The following CHRM2 variants were observed in gnomAD, a reference collection of about 807,000 sequenced individuals.
CHRM2 encodes the protein muscarinic acetylcholine receptor M2.
CHRM2 carries 8 observed loss-of-function variants against 25.0 expected under a neutral mutation model. The observed-to-expected ratio is 0.32, with a 90% CI of 0.19 to 0.58. The LOEUF is 0.58. Ranked by LOEUF, CHRM2 falls within the 20% of genes least tolerant of loss-of-function variation. The probability of loss-of-function intolerance (pLI) is 0.88; values close to 1 mark genes in which losing one functional copy is unlikely to be tolerated. For missense variants in CHRM2, 440 were observed against 567.1 expected (o/e 0.78, Z 2.28); for synonymous variants, 202 against 205.7 (o/e 0.98, Z 0.15).
chr7:136,967,192 A>T (rs1434264026), intron 2 of CHRM2, among the ~76,000 whole-genome samples: 1 of 152,012 alleles, frequency 6.6e-6, no homozygotes, highest in Admixed American at 6.6e-5. Flanking sequence ...TGTGGAAGGC[A>T]GGGAGGATAA....
At chr7:136,898,511 A>ATG (rs3068413) in intron 2 of CHRM2, among the ~76,000 whole-genome samples, 12,596 of 150,230 alleles carry the variant, frequency 0.084, 730 homozygotes, top group East Asian at 0.27. Flanking sequence ...GTGTGTTTGC[A>ATG]TGTGTGTGTG....
intron 2 of CHRM2, among the ~76,000 whole-genome samples, chr7:136,925,178 C>T (rs1364407): frequency 0.67 from 101,515 of 152,022 alleles, 34,618 homozygotes; most frequent in African/African-American, 0.77. Context: ...GTAAAATGAC[C>T]GCTACTTCTC....
At chr7:136,901,546 G>C (rs1797207605) in intron 2 of CHRM2, among the ~76,000 whole-genome samples, 1 of 151,940 alleles carries the variant, frequency 6.6e-6, no homozygotes, top group Non-Finnish European at 1.5e-5. Flanking sequence ...ATCTTGTAGT[G>C]CAGTGATTTG....
At chr7:136,910,208 C>T (rs1249451064) in intron 2 of CHRM2, among the ~76,000 whole-genome samples, 2 of 151,826 alleles carry the variant, frequency 1.3e-5, no homozygotes, top group African/African-American at 4.8e-5. Context: ...AATGCATTGC[C>T]AGGTTCCTGA....
intron 2 of CHRM2, among the ~76,000 whole-genome samples, chr7:136,970,486 AC>A (rs1801689866): frequency 6.6e-6 from 1 of 152,100 alleles, no homozygotes; most frequent in Non-Finnish European, 1.5e-5. Context: ...TTGAGTTTTC[AC>A]AGGAGTGCAT....
intron 2 of CHRM2, chr7:136,871,414 G>A (rs545297268): frequency 6.5e-6 from 1 of 152,746 alleles, no homozygotes; most frequent in East Asian, 1.9e-4. Flanking sequence ...GAAGTTCGAT[G>A]CCTGGTGCTG....
chr7:136,896,431 G>A (rs908176164), intron 2 of CHRM2, among the ~76,000 whole-genome samples: 1 of 152,036 alleles, frequency 6.6e-6, no homozygotes, highest in Admixed American at 6.6e-5. Flanking sequence ...TGTTTTCCTC[G>A]CTCTGAAGGA....
intron 2 of CHRM2, among the ~76,000 whole-genome samples, chr7:136,935,155 C>T (rs971951594): frequency 6.6e-6 from 1 of 152,082 alleles, no homozygotes; most frequent in African/African-American, 2.4e-5. Flanking sequence ...GATTTTTGCT[C>T]TACCATATAT....
chr7:136,904,337 T>C (rs1797411619), intron 2 of CHRM2, among the ~76,000 whole-genome samples: 1 of 151,910 alleles, frequency 6.6e-6, no homozygotes, highest in African/African-American at 2.4e-5. Context: ...CTAAGTCACT[T>C]GCCTATTCAC....
intron 2 of CHRM2, among the ~76,000 whole-genome samples, chr7:136,931,295 C>A (rs1799091304): frequency 6.6e-6 from 1 of 152,142 alleles, no homozygotes; most frequent in African/African-American, 2.4e-5. Context: ...TGTGTTCCAG[C>A]AAATGCACAG....
At chr7:137,012,245 C>T (rs1440835061) in intron 3 of CHRM2, among the ~76,000 whole-genome samples, 1 of 151,976 alleles carries the variant, frequency 6.6e-6, no homozygotes. Flanking sequence ...AAGCAAGTCA[C>T]AATTCTGATC....
chr7:136,973,907 G>A (rs1444688450), intron 2 of CHRM2, among the ~76,000 whole-genome samples: 3 of 152,128 alleles, frequency 2.0e-5, no homozygotes, highest in African/African-American at 7.2e-5. Flanking sequence ...TTATTTAACA[G>A]TCTAAAATAA....
chr7:137,019,092 G>A lies in CHRM2; in HGVS notation c.*2826G>A, dbSNP rs1394251410. ...CAACCCCTTTAAACAAATATTATTT[G>A]GCTCAAAATGTCAATAGTTCCAAGA... On this transcript the variant is annotated 3_prime_UTR_variant, in exon 4 of 4. Coordinates refer to ENST00000680005, the MANE Select transcript of CHRM2 (RefSeq NM_001006630.2). 2.0e-5 allele frequency: 3 copies of A among 151,776 alleles called. No individual in the cohort carries two copies. Among genetic ancestry groups the A allele is most frequent in the African/African-American group, 7.3e-5 (3 of 41,358 alleles). The allele number at this position is 151,776 out of a possible 1,614,324, so 9.4% of individuals were successfully genotyped here.
intron 2 of CHRM2, among the ~76,000 whole-genome samples, chr7:136,961,847 G>A (rs1801105070): frequency 6.6e-6 from 1 of 152,128 alleles, no homozygotes; most frequent in African/African-American, 2.4e-5. Flanking sequence ...TCATGGATAT[G>A]TGGAGAAGAA....
intron 2 of CHRM2, among the ~76,000 whole-genome samples, chr7:136,873,684 G>C (rs1247330265): frequency 1.3e-5 from 2 of 152,156 alleles, no homozygotes; most frequent in African/African-American, 4.8e-5. Context: ...GTGTCAATCG[G>C]TTCGCTATAA....
At chr7:136,924,935 C>T (rs1188276392) in intron 2 of CHRM2, among the ~76,000 whole-genome samples, 1 of 152,176 alleles carries the variant, frequency 6.6e-6, no homozygotes, top group Non-Finnish European at 1.5e-5. Context: ...CTCTTACACT[C>T]ACATCTACTC....
At chr7:136,928,638 C>A (rs940178586) in intron 2 of CHRM2, among the ~76,000 whole-genome samples, 13 of 152,134 alleles carry the variant, frequency 8.5e-5, no homozygotes. Context: ...AGTAAATATT[C>A]TTCAGAGAAG....
intron 3 of CHRM2, among the ~76,000 whole-genome samples, chr7:137,004,604 G>C (rs1352055860): frequency 2.6e-5 from 4 of 152,110 alleles, no homozygotes; most frequent in African/African-American, 4.8e-5. Context: ...ATTATGTTGT[G>C]ATTCCCCTGA....
At chr7:136,881,359 G>GT (rs1177108242) in intron 2 of CHRM2, among the ~76,000 whole-genome samples, 1 of 151,566 alleles carries the variant, frequency 6.6e-6, no homozygotes, top group Non-Finnish European at 1.5e-5. Flanking sequence ...CTGAATGACA[G>GT]TCCATTGCAT....
Sources: gnomAD v4.1 joint callset for allele counts (sites outside exome capture counted in the v4.1 genomes callset) on GRCh38, gnomAD v4.1.1 for gene constraint, MANE v1.5 for transcripts, NCBI Gene and HGNC (gene_info 2026-07-23, HGNC 2026-07-21) for gene names.